USP42: variants seen among roughly 807,000 people sequenced by gnomAD.
The protein encoded by USP42 is ubiquitin specific peptidase 42.
USP42 carries 23 observed loss-of-function variants against 113.0 expected under a neutral mutation model. The observed-to-expected ratio is 0.20, with a 90% confidence interval of 0.15 to 0.29. USP42 has a LOEUF of 0.29. Ranked by LOEUF, USP42 falls within the 10% of genes least tolerant of loss-of-function variation. The pLI is 1.00. For missense variants in USP42, 2,174 were observed against 1,779.8 expected (o/e 1.22, Z -3.99); for synonymous variants, 933 against 699.0 (o/e 1.33, Z -5.28).
At position 6,154,808 on chromosome 7, in the gene USP42, G is replaced by A. The variant is rs1782333179; in HGVS notation, c.3254G>A (p.Arg1085Gln). The change falls in exon 15 of 18, where the codon CGG becomes CAG. Residue 1085 changes from arginine (R) to glutamine (Q), a missense_variant. Arg to Gln is a conservative substitution (Grantham distance 43). Transcript: ENST00000306177. ...KPFHGGREHE[R>Q]AGLHERPHKD... ...TTCCACGGCGGCCGCGAGCACGAGC[G>A]GGCCGGGCTGCACGAGCGGCCGCAC... 5 of 1,544,748 alleles carry A rather than the reference G, an allele frequency of 3.2e-6. No individual in the cohort carries two copies. The Admixed American group carries it at 5.9e-5, about 18-fold the overall frequency.
chr7:6,146,605 C>T (rs1043212956), intron 11 of USP42, among the ~76,000 whole-genome samples: 1 of 151,976 alleles, frequency 6.6e-6, no homozygotes, highest in African/African-American at 2.4e-5. Flanking sequence ...GCCGAGGCTG[C>T]AGTAAGCCAT....
Position 6,153,943 on chromosome 7 carries a change from G to A in USP42, c.2389G>A (p.Ala797Thr). ...AGGCGCCTGGGAGGCCATGGCCGTC[G>A]CCCCCGAGGAGCCTCCGCCCAGCGC... The part of the protein sequence containing the change: ...KEGAWEAMAV[A>T]PEEPPPSAGE... Residue 797 changes from alanine (A) to threonine (T), a missense_variant, in exon 15 of 18, where the codon GCC (alanine) becomes ACC (threonine). Physicochemically the swap from Ala to Thr is moderately conservative, Grantham distance 58. Coordinates refer to ENST00000306177, the MANE Select transcript of USP42 (RefSeq NM_032172.3). 2 of 1,596,930 alleles carry A rather than the reference G, an allele frequency of 1.3e-6. No individual in the cohort carries two copies. Among genetic ancestry groups the A allele is most frequent in the Non-Finnish European group, 1.7e-6 (2 of 1,174,648 alleles).
At chr7:6,114,755 A>G (rs921659663) in intron 2 of USP42, among the ~76,000 whole-genome samples, 2 of 129,258 alleles carry the variant, frequency 1.5e-5, no homozygotes, top group South Asian at 2.6e-4. Context: ...CAGTGGCACT[A>G]TCTCAGCTCA....
At position 6,111,296 on chromosome 7, in the gene USP42, G is replaced by A; in HGVS notation, c.163G>A (p.Gly55Arg). Residue 55 changes from glycine to arginine, a missense_variant, in exon 2 of 18, where the codon GGA (glycine) becomes AGA (arginine). Transcript: ENST00000306177. Reference protein sequence around the residue: ...NDVSNHTLSLGPVPGAVVYSS... With the variant: ...NDVSNHTLSLRPVPGAVVYSS... ...TGTGTCAAATCACACACTTTCTTTA[G>A]GACCAGTACCTGGTGCTGTAGTTTA... 1 of 1,607,694 alleles carries A rather than the reference G, an allele frequency of 6.2e-7. No individual in the cohort carries two copies. Among genetic ancestry groups the A allele is most frequent in the Non-Finnish European group, 8.5e-7 (1 of 1,176,734 alleles).
At chr7:6,089,407 A>C in the USP42 span, among the ~76,000 whole-genome samples, 1 of 150,704 alleles carries the variant, frequency 6.6e-6, no homozygotes, top group African/African-American at 2.5e-5. Flanking sequence ...TCAGGCCAGC[A>C]AGCTTTGTAA....
intron 4 of USP42, among the ~76,000 whole-genome samples, chr7:6,137,647 C>A (rs1781219300): frequency 6.6e-6 from 1 of 152,002 alleles, no homozygotes; most frequent in African/African-American, 2.4e-5. Flanking sequence ...CGTGAGCCAC[C>A]ATGCCTGGCT....
Position 6,111,140 on chromosome 7 carries a change from A to G in USP42, c.7A>G (p.Ile3Val), listed in dbSNP as rs773130454. 9 of 1,611,978 alleles carry G rather than the reference A, an allele frequency of 5.6e-6. No individual in the cohort carries two copies. The South Asian group carries it at 6.6e-5, about 12-fold the overall frequency. Residue 3 changes from isoleucine to valine, a missense_variant, in exon 2 of 18, where the codon ATA becomes GTA. Ile to Val is a conservative substitution (Grantham distance 29). Coordinates refer to ENST00000306177, the MANE Select transcript of USP42 (RefSeq NM_032172.3). MT[I>V]VDKASESSDP... Reference sequence around the variant, plus strand: ...TCTTTTGCAGAGTTGAACAATGACCATAGTTGACAAAGCTTCTGAATCTTC... The same window carrying G: ...TCTTTTGCAGAGTTGAACAATGACCGTAGTTGACAAAGCTTCTGAATCTTC...
At chr7:6,149,504 G>A in intron 12 of USP42, 79 bp from the exon 13 acceptor site, 1 of 1,503,102 alleles carries the variant, frequency 6.7e-7, no homozygotes, top group South Asian at 1.3e-5. Flanking sequence ...AAATGGGAAG[G>A]ACCCATCAGC....
At chr7:6,130,007 T>G (rs1455453087) in intron 3 of USP42, among the ~76,000 whole-genome samples, 1 of 152,102 alleles carries the variant, frequency 6.6e-6, no homozygotes, top group African/African-American at 2.4e-5. Flanking sequence ...GTTTTTTGAG[T>G]CAGGGTCTTA....
At chr7:6,117,621 A>T (rs948253628) in intron 3 of USP42, among the ~76,000 whole-genome samples, 15 of 152,178 alleles carry the variant, frequency 9.9e-5, no homozygotes, top group African/African-American at 3.1e-4. Context: ...AGACTTCCAG[A>T]CTTTCCAGAA....
Position 6,154,418 on chromosome 7 carries a change from G to T in USP42, c.2864G>T (p.Ser955Ile). ...AAGGTGGACCGAGGCCACTACCGCA[G>T]CCGGAGAGAGCGCTCGTCCAGCGGG... is the stretch of plus-strand genomic sequence containing the variant. Reference protein sequence around the residue: ...LRKVDRGHYRSRRERSSSGEP... With the variant: ...LRKVDRGHYRIRRERSSSGEP... Residue 955 changes from serine to isoleucine, a missense_variant, in exon 15 of 18, where the codon AGC (serine) becomes ATC (isoleucine). Physicochemically the swap from Ser to Ile is moderately radical, Grantham distance 142. Transcript: ENST00000306177. The T allele has an allele frequency of 6.3e-7, 1 of 1,575,316 alleles. No homozygotes were observed. The highest frequency in any genetic ancestry group is 8.6e-7 in the Non-Finnish European group (1 of 1,162,222).
chr7:6,124,836 G>A (rs978689395), intron 3 of USP42, among the ~76,000 whole-genome samples: 4 of 150,786 alleles, frequency 2.7e-5, no homozygotes, highest in African/African-American at 7.3e-5. Flanking sequence ...TTTTTTCATG[G>A]TGGTTACTTT....
At chr7:6,142,360 G>A (rs1781478941) in intron 7 of USP42, among the ~76,000 whole-genome samples, 1 of 151,934 alleles carries the variant, frequency 6.6e-6, no homozygotes, top group Non-Finnish European at 1.5e-5. Flanking sequence ...GGGACTACAG[G>A]CGCGTGCCAC....
At chr7:6,089,195 A>C in the USP42 span, among the ~76,000 whole-genome samples, 1 of 146,326 alleles carries the variant, frequency 6.8e-6, no homozygotes, top group Admixed American at 6.7e-5. Context: ...CAGGCGCCCG[A>C]CACCACGCCT....
chr7:6,119,018 C>T (rs1330627138), intron 3 of USP42, among the ~76,000 whole-genome samples: 4 of 150,390 alleles, frequency 2.7e-5, no homozygotes, highest in Non-Finnish European at 5.9e-5. Context: ...AGTTTGAGAC[C>T]AGCCTGGGCA....
chr7:6,149,188 C>G (rs904906468), intron 12 of USP42, among the ~76,000 whole-genome samples: 1 of 152,158 alleles, frequency 6.6e-6, no homozygotes, highest in African/African-American at 2.4e-5. Context: ...ACGTGACCGT[C>G]TCCTTTGCTC....
At chr7:6,138,949 GGCTTATGTTAGT>G (rs1193353973) in intron 4 of USP42, 131 bp from the exon 5 acceptor site, 6 of 571,056 alleles carry the variant, frequency 1.1e-5, no homozygotes, top group Non-Finnish European at 1.8e-5. Context: ...TTATATTAGT[GGCTTATGTTAGT>G]GCTATTTCCT....
At chr7:6,090,614 CTG>C in the USP42 span, among the ~76,000 whole-genome samples, 1 of 146,544 alleles carries the variant, frequency 6.8e-6, no homozygotes, top group African/African-American at 2.6e-5. Context: ...ACTCAGGAGA[CTG>C]AGGCAGGAGA....
intron 4 of USP42, among the ~76,000 whole-genome samples, chr7:6,136,521 C>A (rs1003352530): frequency 2.0e-5 from 3 of 152,026 alleles, no homozygotes; most frequent in African/African-American, 7.2e-5. Context: ...TATTAAAAAT[C>A]AATATGTTAA....
Sources: allele counts gnomAD v4.1 joint callset (sites outside exome capture counted in the v4.1 genomes callset), GRCh38; gene constraint gnomAD v4.1.1; transcripts MANE v1.5; gene names NCBI Gene and HGNC (gene_info 2026-07-23, HGNC 2026-07-21).